SLC39A12: variants seen among roughly 807,000 people sequenced by gnomAD.
SLC39A12 encodes zinc transporter ZIP12.
A neutral mutation model predicts 71.1 loss-of-function variants in SLC39A12; 63 were observed. The observed-to-expected ratio is 0.89, with a 90% CI of 0.72 to 1.09. SLC39A12 has a LOEUF of 1.09. Among genes scored for constraint, SLC39A12 ranks in the 50% least tolerant of loss-of-function variants. The pLI is 0.00. For synonymous variants in SLC39A12, 351 were observed against 301.3 expected (o/e 1.16, Z -1.71); for missense variants, 892 against 812.6 (o/e 1.10, Z -1.19).
At chr10:18,009,143 T>A (rs1463104995) in intron 12 of SLC39A12, among the ~76,000 whole-genome samples, 5 of 152,296 alleles carry the variant, frequency 3.3e-5, no homozygotes, top group South Asian at 4.1e-4. Context: ...TTTAGGCATT[T>A]TTCCTAGGGT....
At chr10:17,956,465 A>G (rs1564637095) in intron 2 of SLC39A12, among the ~76,000 whole-genome samples, 1 of 152,194 alleles carries the variant, frequency 6.6e-6, no homozygotes, top group Non-Finnish European at 1.5e-5. Context: ...TCATGGACAT[A>G]CATGTTCTCC....
At chr10:18,021,331 C>T (rs72780027) in intron 12 of SLC39A12, among the ~76,000 whole-genome samples, 28,963 of 151,706 alleles carry the variant, frequency 0.19, 3,672 homozygotes, top group Non-Finnish European at 0.29. Flanking sequence ...TGGATAATTA[C>T]GTCTTGTTGA....
intron 12 of SLC39A12, among the ~76,000 whole-genome samples, chr10:18,016,749 T>C (rs1161197487): frequency 1.3e-5 from 2 of 152,096 alleles, no homozygotes; most frequent in Admixed American, 6.5e-5. Flanking sequence ...AATAGGTGTA[T>C]GGAGGTATTT....
intron 12 of SLC39A12, among the ~76,000 whole-genome samples, chr10:18,037,806 C>T (rs543829993): frequency 3.3e-5 from 5 of 151,712 alleles, no homozygotes; most frequent in South Asian, 2.1e-4. Context: ...GGCGGATCAC[C>T]GTCAGGAGAT....
At chr10:17,992,104 A>C (rs1012100434) in intron 8 of SLC39A12, among the ~76,000 whole-genome samples, 2 of 151,608 alleles carry the variant, frequency 1.3e-5, no homozygotes, top group Admixed American at 1.3e-4. Context: ...AAAAAAAAAA[A>C]AAAAACAAAA....
chr10:18,033,107 T>C (rs1436442716), intron 12 of SLC39A12, among the ~76,000 whole-genome samples: 1 of 145,884 alleles, frequency 6.9e-6, no homozygotes, highest in Non-Finnish European at 1.5e-5. Context: ...TGGTCTAAAA[T>C]TCTCTTTTTT....
intron 5 of SLC39A12, 96 bp from the exon 6 acceptor site, chr10:17,981,215 AT>A (rs1835247939): frequency 9.2e-7 from 1 of 1,088,886 alleles, no homozygotes; most frequent in African/African-American, 1.6e-5. Context: ...TGTTCTCGCT[AT>A]TCCATCTAGA....
intron 12 of SLC39A12, among the ~76,000 whole-genome samples, chr10:18,034,326 T>G (rs1367224524): frequency 2.1e-4 from 32 of 151,716 alleles, no homozygotes; most frequent in Non-Finnish European, 3.8e-4. Flanking sequence ...TTTATGAATC[T>G]GGGTGCTCCT....
chr10:17,953,408 A>G lies in SLC39A12; in HGVS notation c.132A>G (p.Ala44=), dbSNP rs202234891. Residue 44 remains alanine, a synonymous_variant, in exon 2 of 13, where the codon GCA becomes GCG. Coordinates refer to ENST00000377369, the MANE Select transcript of SLC39A12 (RefSeq NM_001145195.2). ...GCCGTGGGAGTTCAGGCCAACCGGC[A>G]GACCTGCTACAGGTTCTCTCTGCTG... ...SRSRGSSGQP[A]DLLQVLSAGD... The G allele has an allele frequency of 2.2e-5, 36 of 1,614,198 alleles. No individual in the cohort carries two copies. The highest frequency in any genetic ancestry group is 3.0e-5 in the Non-Finnish European group (35 of 1,180,040).
At chr10:17,959,669 A>AGG (rs1834636883) in intron 2 of SLC39A12, among the ~76,000 whole-genome samples, 1 of 152,164 alleles carries the variant, frequency 6.6e-6, no homozygotes, top group African/African-American at 2.4e-5. Context: ...GAGAATTCTC[A>AGG]GGAGCTCCCC....
intron 3 of SLC39A12, among the ~76,000 whole-genome samples, chr10:17,962,713 A>T (rs1360467365): frequency 6.6e-6 from 1 of 152,146 alleles, no homozygotes; most frequent in Non-Finnish European, 1.5e-5. Flanking sequence ...CATATCCTCT[A>T]ATTTGCTGTA....
chr10:18,000,969 G>C, intron 11 of SLC39A12, 144 bp downstream of exon 11: 4 of 844,446 alleles, frequency 4.7e-6, no homozygotes, highest in Non-Finnish European at 7.1e-6. Flanking sequence ...ACCATAAGAA[G>C]AGGAGGACTA....
intron 12 of SLC39A12, among the ~76,000 whole-genome samples, chr10:18,020,588 C>T (rs1836507732): frequency 6.6e-6 from 1 of 152,082 alleles, no homozygotes; most frequent in African/African-American, 2.4e-5. Context: ...TTTTCACCAG[C>T]AGTATATTAG....
chr10:18,036,116 G>A (rs1175378736), intron 12 of SLC39A12, among the ~76,000 whole-genome samples: 3 of 152,186 alleles, frequency 2.0e-5, no homozygotes, highest in African/African-American at 7.2e-5. Context: ...TCTGTGCCCT[G>A]CCCCCAGAGG....
intron 5 of SLC39A12, among the ~76,000 whole-genome samples, chr10:17,978,575 C>T (rs969120341): frequency 6.6e-6 from 1 of 152,070 alleles, no homozygotes; most frequent in Admixed American, 6.5e-5. Flanking sequence ...TGTGAAGTTT[C>T]CTTAATTAGG....
At chr10:17,994,850 C>A (rs1835644561) in intron 9 of SLC39A12, among the ~76,000 whole-genome samples, 1 of 152,120 alleles carries the variant, frequency 6.6e-6, no homozygotes, top group African/African-American at 2.4e-5. Context: ...ACATTTGTGT[C>A]AAAATTTGTA....
intron 1 of SLC39A12, among the ~76,000 whole-genome samples, chr10:17,952,610 C>G (rs1437981160): frequency 6.6e-6 from 1 of 151,670 alleles, no homozygotes; most frequent in Non-Finnish European, 1.5e-5. Flanking sequence ...GCCTCAGCCT[C>G]CCATGTAACT....
At chr10:17,990,973 A>G (rs938072583) in intron 7 of SLC39A12, among the ~76,000 whole-genome samples, 178 bp from the exon 8 acceptor site, 3 of 152,198 alleles carry the variant, frequency 2.0e-5, no homozygotes, top group Non-Finnish European at 4.4e-5. Flanking sequence ...TGTATAGTGG[A>G]AGCATTCACA....
At chr10:18,011,148 G>C (rs1050031870) in intron 12 of SLC39A12, among the ~76,000 whole-genome samples, 30 of 151,956 alleles carry the variant, frequency 2.0e-4, no homozygotes, top group Admixed American at 5.9e-4. Context: ...GGAGTGCAGT[G>C]GCGCGATCTC....
Sources: allele counts gnomAD v4.1 joint callset (sites outside exome capture counted in the v4.1 genomes callset), GRCh38; gene constraint gnomAD v4.1.1; transcripts MANE v1.5; gene names NCBI Gene and HGNC (gene_info 2026-07-23, HGNC 2026-07-21).